Variants in SIDT1 observed in about 807,000 individuals in gnomAD.
SIDT1 encodes SID1 transmembrane family, member 1.
A neutral mutation model predicts 107.5 loss-of-function variants in SIDT1; 101 were observed. The ratio of observed to expected loss-of-function variants is 0.94; its 90% CI spans 0.80 to 1.11. The LOEUF is 1.11. Among genes scored for constraint, SIDT1 ranks in the 50% least tolerant of loss-of-function variants. SIDT1 has a pLI of 0.00. For missense variants in SIDT1, 1,076 were observed against 1,058.2 expected (o/e 1.02, Z -0.23); for synonymous variants, 395 against 398.2 (o/e 0.99, Z 0.10).
chr3:113,595,349 G>T (rs1944467664), intron 10 of SIDT1, among the ~76,000 whole-genome samples: 1 of 152,142 alleles, frequency 6.6e-6, no homozygotes, highest in Non-Finnish European at 1.5e-5. Context: ...GAGGTTGGAG[G>T]ATTGTTTGGG....
At chr3:113,577,502 A>T (rs1206584988) in intron 4 of SIDT1, among the ~76,000 whole-genome samples, 1 of 149,982 alleles carries the variant, frequency 6.7e-6, no homozygotes, top group Non-Finnish European at 1.5e-5. Flanking sequence ...CAGAATTTTG[A>T]CAAAAAACAT....
At chr3:113,596,836 T>C (rs1944591057) in intron 10 of SIDT1, among the ~76,000 whole-genome samples, 1 of 152,212 alleles carries the variant, frequency 6.6e-6, no homozygotes, top group South Asian at 2.1e-4. Context: ...GGTTACTTTC[T>C]CAAATGCAAG....
intron 13 of SIDT1, 92 bp downstream of exon 13, chr3:113,604,125 T>C (rs1030535506): frequency 1.4e-5 from 12 of 841,536 alleles, no homozygotes; most frequent in Admixed American, 2.4e-5. Flanking sequence ...GGTTTTAGTG[T>C]TTAATGAGGC....
intron 1 of SIDT1, among the ~76,000 whole-genome samples, chr3:113,538,567 T>C (rs1262472623): frequency 2.0e-5 from 3 of 152,260 alleles, no homozygotes; most frequent in Non-Finnish European, 4.4e-5. Flanking sequence ...ATAATACTTT[T>C]GATGTATTAA....
At chr3:113,580,820 A>G in intron 5 of SIDT1, 111 bp downstream of exon 5, 1 of 718,690 alleles carries the variant, frequency 1.4e-6, no homozygotes, top group Non-Finnish European at 2.5e-6. Context: ...TCTCCCTTCC[A>G]AAACTACTAA....
At chr3:113,630,454 C>T (rs1947082192), downstream of SIDT1, among the ~76,000 whole-genome samples, 1 of 152,130 alleles carries the variant, frequency 6.6e-6, no homozygotes, top group Non-Finnish European at 1.5e-5. Flanking sequence ...GTCACCGAGC[C>T]AGCTCCTCGG....
At chr3:113,541,385 G>A (rs1013854272) in intron 1 of SIDT1, among the ~76,000 whole-genome samples, 2 of 152,150 alleles carry the variant, frequency 1.3e-5, no homozygotes, top group Admixed American at 6.5e-5. Context: ...GCCCAGGCTG[G>A]TCTTGAACTC....
intron 9 of SIDT1, among the ~76,000 whole-genome samples, chr3:113,585,534 A>G (rs916925055): frequency 6.6e-6 from 1 of 152,208 alleles, no homozygotes; most frequent in Admixed American, 6.5e-5. Context: ...AGGTGCTGGT[A>G]GAGTGTTATT....
At chr3:113,545,497 C>A (rs1392778481) in intron 1 of SIDT1, among the ~76,000 whole-genome samples, 1 of 152,074 alleles carries the variant, frequency 6.6e-6, no homozygotes, top group Non-Finnish European at 1.5e-5. Context: ...TATTAAGAAT[C>A]TCTCTCTCAC....
At chr3:113,620,241 T>C (rs1278407977) in intron 21 of SIDT1, among the ~76,000 whole-genome samples, 1 of 151,424 alleles carries the variant, frequency 6.6e-6, no homozygotes, top group Non-Finnish European at 1.5e-5. Flanking sequence ...CCTCTTTTAT[T>C]TCTTTCCCTC....
At chr3:113,605,897 G>A (rs559793795) in intron 14 of SIDT1, among the ~76,000 whole-genome samples, 20 of 151,858 alleles carry the variant, frequency 1.3e-4, no homozygotes, top group Non-Finnish European at 2.4e-4. Context: ...CCAGCTACTC[G>A]GGAGGCTGAA....
intron 1 of SIDT1, among the ~76,000 whole-genome samples, chr3:113,563,437 A>G (rs531747864): frequency 9.2e-5 from 14 of 152,340 alleles, no homozygotes; most frequent in African/African-American, 3.4e-4. Flanking sequence ...CTTGACTATG[A>G]CTCAAAATTC....
At chr3:113,598,992 T>C (rs1179886366) in intron 10 of SIDT1, among the ~76,000 whole-genome samples, 1 of 152,154 alleles carries the variant, frequency 6.6e-6, no homozygotes, top group African/African-American at 2.4e-5. Context: ...TAGCCAGGTG[T>C]GGTGGCATGA....
intron 22 of SIDT1, 34 bp downstream of exon 22, chr3:113,623,566 C>T (rs200795039): frequency 1.9e-6 from 3 of 1,602,414 alleles, no homozygotes; most frequent in Admixed American, 3.3e-5. Flanking sequence ...CTACCTCGGG[C>T]CCTCGGGCAG....
chr3:113,594,114 T>C (rs1354835258), intron 10 of SIDT1, among the ~76,000 whole-genome samples: 1 of 152,182 alleles, frequency 6.6e-6, no homozygotes, highest in South Asian at 2.1e-4. Context: ...GGCCACAGAA[T>C]CTTAGAAAGA....
rs949929880 is a variant in SIDT1, at chr3:113,612,235, C to G, written c.1966+41C>G. 2.1e-6 allele frequency: 3 copies of G among 1,413,378 alleles called. No homozygotes were observed. The African/African-American group carries it at 4.2e-5, about 20-fold the overall frequency. The allele number at this position is 1,413,378 out of a possible 1,614,324, so 87.6% of individuals were successfully genotyped here. A position where few individuals can be genotyped will look rare whatever the true frequency, so the allele number is the denominator to read the frequency against. On this transcript the variant is annotated intron_variant, in intron 19 of 24. Transcript: ENST00000264852. ...ATTCTATACTAATCACACGAATCAA[C>G]TTTAATGAAAAAGCAGACACTGCCT...
intron 20 of SIDT1, among the ~76,000 whole-genome samples, chr3:113,618,490 AGAAACGC>A (rs1401280644): frequency 1.3e-5 from 2 of 152,374 alleles, no homozygotes; most frequent in African/African-American, 4.8e-5. Flanking sequence ...TAGTTTTGTA[AGAAACGC>A]GAAACTGTCT....
intron 15 of SIDT1, 65 bp from the exon 16 acceptor site, chr3:113,608,029 T>C: frequency 6.9e-7 from 1 of 1,453,802 alleles, no homozygotes; most frequent in Non-Finnish European, 9.2e-7. Flanking sequence ...CCTTCATGCA[T>C]CATGTATTCT....
At chr3:113,568,467 A>G (rs56721892) in intron 3 of SIDT1, among the ~76,000 whole-genome samples, 44,251 of 151,308 alleles carry the variant, frequency 0.29, 7,197 homozygotes, top group East Asian at 0.59. Context: ...GGTGGCGGGC[A>G]CCTGTAATCC....
Sources: gnomAD v4.1 joint callset for allele counts (sites outside exome capture counted in the v4.1 genomes callset) on GRCh38, gnomAD v4.1.1 for gene constraint, MANE v1.5 for transcripts, NCBI Gene and HGNC (gene_info 2026-07-23, HGNC 2026-07-21) for gene names.